The following ZNF608 variants were observed in gnomAD, a reference collection of about 807,000 sequenced individuals.
ZNF608 encodes renal carcinoma antigen NY-REN-36.
A neutral mutation model predicts 109.0 loss-of-function variants in ZNF608; 12 were observed. The ratio of observed to expected loss-of-function variants is 0.11; its 90% CI spans 0.07 to 0.18. The LOEUF (loss-of-function observed/expected upper bound fraction) is 0.18. Among genes scored for constraint, ZNF608 ranks in the 10% least tolerant of loss-of-function variants. The probability of loss-of-function intolerance (pLI) is 1.00; values close to 1 mark genes in which losing one functional copy is unlikely to be tolerated. For synonymous variants in ZNF608, 732 were observed against 717.4 expected (o/e 1.02, Z -0.33); for missense variants, 1,707 against 1,879.3 (o/e 0.91, Z 1.70).
Position 124,647,160 on chromosome 5 carries a change from G to C in ZNF608, c.3224C>G (p.Ala1075Gly), listed in dbSNP as rs777454948. 1 of 1,614,204 alleles carries C rather than the reference G, an allele frequency of 6.2e-7. No individual in the cohort carries two copies. The change falls in exon 5 of 10, where the codon GCT (alanine) becomes GGT (glycine). Residue 1075 changes from alanine to glycine, a missense_variant. This residue lies in a region of ZNF608 where 1,073 missense variants were observed against 1,133.5 expected (regional missense o/e 0.95). Coordinates refer to ENST00000513986, the MANE Select transcript of ZNF608 (RefSeq NM_020747.3). ...ATACTGGCCATAATAAAGTGACTGAGCCAGGGCAGGATGTCTTTGTGTGAT... is the reference window on the plus strand; with the variant it reads ...ATACTGGCCATAATAAAGTGACTGACCCAGGGCAGGATGTCTTTGTGTGAT... ...SVITQRHPAL[A>G]QSLYYGQYAY...
In ZNF608 at chr5:124,644,420, C is replaced by G. The variant is rs149693964; in HGVS notation, c.3947G>C (p.Arg1316Pro). The G allele has an allele frequency of 1.9e-6, 3 of 1,613,980 alleles. No individual in the cohort carries two copies. The highest frequency in any genetic ancestry group is 3.3e-5 in the Admixed American group (2 of 59,988). ...GTCCTTCCAGTTCACAGGAGTCTTT[C>G]GATCATCATTTTTCAGCTTGCTCTC... Reference protein sequence around the residue: ...MEESKLKNDDRKTPVNWKDSR... With the variant: ...MEESKLKNDDPKTPVNWKDSR... The change falls in exon 6 of 10, where the codon CGA (arginine) becomes CCA (proline). Residue 1316 changes from arginine to proline, a missense_variant. Arg to Pro is a moderately radical substitution (Grantham distance 103). Coordinates refer to ENST00000513986, the MANE Select transcript of ZNF608 (RefSeq NM_020747.3).
In ZNF608 at chr5:124,744,480, G is replaced by T. The variant is rs1749559979; in HGVS notation, c.510C>A (p.Thr170=). Residue 170 remains threonine, a synonymous_variant, in exon 2 of 10, where the codon ACC becomes ACA. Coordinates refer to ENST00000513986, the MANE Select transcript of ZNF608 (RefSeq NM_020747.3). This position sits in a 1 kb window ranked among gnomAD's most constrained non-coding sequence, Gnocchi z 4.5. ...GGSGNPNSNS[T]STSTSAATAG... is the part of the protein sequence containing the mutation. ...CGGTGGCGGCAGAGGTGCTGGTGCTGGTACTATTGCTGTTTGGGTTGCCGC... is the reference window on the plus strand; with the variant it reads ...CGGTGGCGGCAGAGGTGCTGGTGCTTGTACTATTGCTGTTTGGGTTGCCGC... 1 of 1,614,228 alleles carries T rather than the reference G, an allele frequency of 6.2e-7. No individual in the cohort carries two copies. The highest frequency in any genetic ancestry group is 8.5e-7 in the Non-Finnish European group (1 of 1,180,046).
intron 3 of ZNF608, among the ~76,000 whole-genome samples, chr5:124,655,460 A>T (rs1750965653): frequency 6.6e-6 from 1 of 152,202 alleles, no homozygotes; most frequent in African/African-American, 2.4e-5. Flanking sequence ...CCACATCTGG[A>T]TGCATTTGAT....
intron 2 of ZNF608, among the ~76,000 whole-genome samples, chr5:124,703,964 A>G (rs1032432119): frequency 6.6e-6 from 1 of 152,132 alleles, no homozygotes; most frequent in African/African-American, 2.4e-5. Context: ...TCAAATTTCT[A>G]TGGAATCTGG....
chr5:124,686,917 A>T (rs984984945), intron 3 of ZNF608, among the ~76,000 whole-genome samples: 6 of 152,002 alleles, frequency 3.9e-5, no homozygotes, highest in Non-Finnish European at 8.8e-5. Flanking sequence ...GTGGTGGGCA[A>T]TTTTTTTTCC....
chr5:124,666,707 C>CTGTG (rs1491500180), intron 3 of ZNF608, among the ~76,000 whole-genome samples: 3 of 126,734 alleles, frequency 2.4e-5, no homozygotes, highest in African/African-American at 9.3e-5. Context: ...ACTGGGTTTG[C>CTGTG]TCTGTGTGTG....
chr5:124,716,710 A>G (rs753144745), intron 2 of ZNF608, among the ~76,000 whole-genome samples: 5 of 152,214 alleles, frequency 3.3e-5, no homozygotes, highest in Non-Finnish European at 4.4e-5. Flanking sequence ...GAGCTCTAAT[A>G]ACTCTTTAAA....
At chr5:124,657,598 C>T (rs528253341) in intron 3 of ZNF608, among the ~76,000 whole-genome samples, 2 of 152,188 alleles carry the variant, frequency 1.3e-5, no homozygotes, top group African/African-American at 4.8e-5. Flanking sequence ...TGGCGTGAAC[C>T]CGGGAGGCAG....
In ZNF608 at chr5:124,717,231, C is replaced by T. The variant is rs538757319; in HGVS notation, c.907-15962G>A. Among the ~76,000 whole-genome samples, 381 of 152,138 alleles carry T rather than the reference C, an allele frequency of 2.5e-3. 4 individuals carry two copies. Among genetic ancestry groups the T allele is most frequent in the Middle Eastern group, 6.8e-3 (2 of 294 alleles). The stretch of plus-strand genomic sequence containing the variant: ...CTGTAACCCCAGCATTTTGGGAGGC[C>T]TAGGTGGGCGAATCACCTGAGGTCG... On this transcript the variant is annotated intron_variant, in intron 2 of 9. Transcript: ENST00000513986.
intron 2 of ZNF608, among the ~76,000 whole-genome samples, chr5:124,741,419 A>AAAT (rs1749392739): frequency 6.8e-6 from 1 of 146,386 alleles, no homozygotes; most frequent in African/African-American, 2.5e-5. Flanking sequence ...AAAAAAAAAA[A>AAAT]TGCACACACA....
Position 124,637,701 on chromosome 5 carries a change from A to C in ZNF608, c.*199T>G. 1 of 314,596 alleles carries C rather than the reference A, an allele frequency of 3.2e-6. No homozygotes were observed. The allele number at this position is 314,596 out of a possible 1,614,324, so 19.5% of individuals were successfully genotyped here. A position where few individuals can be genotyped will look rare whatever the true frequency, so the allele number is the denominator to read the frequency against. ...TATATATGTATATATACAGATATGT[A>C]TACGTATATATATATAAAACAGAAG... On this transcript the variant is annotated 3_prime_UTR_variant, in exon 10 of 10. Coordinates refer to ENST00000513986, the MANE Select transcript of ZNF608 (RefSeq NM_020747.3).
intron 2 of ZNF608, among the ~76,000 whole-genome samples, chr5:124,723,470 C>T (rs1265466833): frequency 1.3e-5 from 2 of 152,100 alleles, no homozygotes; most frequent in Non-Finnish European, 2.9e-5. Context: ...GGTGGATCAC[C>T]TGAGGCCAGG....
chr5:124,667,506 A>G (rs1751526790), intron 3 of ZNF608, among the ~76,000 whole-genome samples: 2 of 152,126 alleles, frequency 1.3e-5, no homozygotes, highest in African/African-American at 4.8e-5. Flanking sequence ...ACCATTGTTG[A>G]TAACTGTAAG....
chr5:124,648,316 C>G lies in ZNF608; in HGVS notation c.2068G>C (p.Asp690His), dbSNP rs550047055. 35 of 1,614,124 alleles carry G rather than the reference C, an allele frequency of 2.2e-5. No homozygotes were observed. Among genetic ancestry groups the G allele is most frequent in the Non-Finnish European group, 2.6e-5 (31 of 1,180,052 alleles). ...GGCATCTCAGCAGCCAAACTGCCGT[C>G]TGCTGCCGAGCAACTGTCTAACGCA... ...TAALDSCSAA[D>H]GSLAAEMPKL... The change falls in exon 5 of 10, where the codon GAC becomes CAC. Residue 690 changes from aspartate (D) to histidine (H), a missense_variant. By Grantham distance (81) the Asp-to-His change is moderately conservative (BLOSUM62 -1). Coordinates refer to ENST00000513986, the MANE Select transcript of ZNF608 (RefSeq NM_020747.3).
At position 124,648,668 on chromosome 5, in the gene ZNF608, G is replaced by A; in HGVS notation, c.1716C>T (p.Tyr572=). Residue 572 remains tyrosine (Y), a synonymous_variant, in exon 5 of 10, where the codon TAC becomes TAT. Coordinates refer to ENST00000513986, the MANE Select transcript of ZNF608 (RefSeq NM_020747.3). ...GGTCTAAGTGTGCATGAGCCTGGTG[G>A]TACCTCAGGCCGTTAATGTGCTTGT... ...KKYKHINGLR[Y]HQAHAHLDPE... 6.2e-7 allele frequency: 1 copy of A among 1,614,228 alleles called. No homozygotes were observed. The highest frequency in any genetic ancestry group is 8.5e-7 in the Non-Finnish European group (1 of 1,180,048).
intron 3 of ZNF608, among the ~76,000 whole-genome samples, chr5:124,655,908 A>G (rs1040007885): frequency 2.6e-5 from 4 of 152,268 alleles, no homozygotes; most frequent in African/African-American, 4.8e-5. Context: ...AAAATGTACA[A>G]CTAAGGTTGC....
At chr5:124,682,108 T>C (rs1267055752) in intron 3 of ZNF608, among the ~76,000 whole-genome samples, 2 of 152,242 alleles carry the variant, frequency 1.3e-5, no homozygotes, top group Non-Finnish European at 2.9e-5. Flanking sequence ...GTTTCGCTCT[T>C]GTTTCCCAGG....
intron 2 of ZNF608, among the ~76,000 whole-genome samples, chr5:124,723,545 A>T (rs1418330208): frequency 6.6e-6 from 1 of 152,066 alleles, no homozygotes; most frequent in East Asian, 1.9e-4. Flanking sequence ...AAAATTAACC[A>T]GTCATGGTGG....
chr5:124,733,883 A>T (rs1049375488), intron 2 of ZNF608, among the ~76,000 whole-genome samples: 1 of 152,174 alleles, frequency 6.6e-6, no homozygotes. Flanking sequence ...TATATCTAAG[A>T]AATAATTTTG....
Sources: gnomAD v4.1 joint callset for allele counts (sites outside exome capture counted in the v4.1 genomes callset) on GRCh38, gnomAD v4.1.1 for gene constraint, gnomAD v4.1.1 regional missense constraint, Gnocchi (gnomAD v3.1) non-coding constraint, MANE v1.5 for transcripts, NCBI Gene and HGNC (gene_info 2026-07-23, HGNC 2026-07-21) for gene names.